Variants in CDH13 observed in about 807,000 individuals in gnomAD.
CDH13 encodes cadherin-13.
In CDH13, 24 loss-of-function variants were observed where a neutral mutation model predicts 63.8. The ratio of observed to expected loss-of-function variants is 0.38; its 90% CI spans 0.27 to 0.53. The LOEUF (loss-of-function observed/expected upper bound fraction) is 0.53, where lower values mean the gene tolerates loss of function less well. Among genes scored for constraint, CDH13 ranks in the 20% least tolerant of loss-of-function variants. CDH13 has a pLI of 0.85. For missense variants in CDH13, 1,049 were observed against 903.1 expected, an observed-to-expected ratio of 1.16 and a Z score of -2.07; for synonymous variants, 503 against 355.3, an observed-to-expected ratio of 1.42 and a Z score of -4.67.
rs1025223123 is a variant in CDH13, at chr16:82,909,222, G to A, written c.157+50749G>A. Among the ~76,000 whole-genome samples the A allele has an allele frequency of 1.3e-5, 2 of 150,202 alleles. 1 individual carries two copies. Among genetic ancestry groups the A allele is most frequent in the South Asian group, 4.2e-4 (2 of 4,738 alleles). ...ATGATTGGTCAAATTCACAGATGTG[G>A]AACCCACAGAAACTGAGGACTGACT... On this transcript the variant is annotated intron_variant, in intron 2 of 13. Transcript: ENST00000567109.
At chr16:83,307,173 C>A (rs538250766) in intron 5 of CDH13, among the ~76,000 whole-genome samples, 12 of 152,262 alleles carry the variant, frequency 7.9e-5, no homozygotes, top group African/African-American at 2.9e-4. Context: ...TAAGTGGTAA[C>A]GCCTGTTCCC....
intron 7 of CDH13, among the ~76,000 whole-genome samples, chr16:83,547,829 TAAAGG>T (rs2075415552): frequency 6.6e-6 from 1 of 152,004 alleles, no homozygotes; most frequent in Non-Finnish European, 1.5e-5. Flanking sequence ...CTGAAATAGA[TAAAGG>T]AGTGAGGAGG....
At chr16:83,254,949 CTCTTTCTTTCTTTCTTTCTT>C (rs11269178) in intron 5 of CDH13, among the ~76,000 whole-genome samples, 1 of 6,728 alleles carries the variant, frequency 1.5e-4, no homozygotes, top group African/African-American at 1.8e-4. Context: ...TTTTCTTTTT[CTCTTTCTTTCTTTCTTTCTT>C]TCTTTCTTTC....
chr16:83,707,530 A>C (rs1266539301), intron 10 of CDH13, among the ~76,000 whole-genome samples: 4 of 152,198 alleles, frequency 2.6e-5, no homozygotes, highest in Non-Finnish European at 5.9e-5. Context: ...GTGATATGCC[A>C]GCTATATTTT....
At chr16:82,700,060 G>A (rs1177103334) in intron 1 of CDH13, among the ~76,000 whole-genome samples, 1 of 135,650 alleles carries the variant, frequency 7.4e-6, no homozygotes, top group Non-Finnish European at 1.5e-5. Flanking sequence ...TTACTAGGGT[G>A]ACACAAAGTA....
At chr16:83,696,959 T>A (rs1382018808) in intron 10 of CDH13, among the ~76,000 whole-genome samples, 1 of 152,164 alleles carries the variant, frequency 6.6e-6, no homozygotes, top group African/African-American at 2.4e-5. Flanking sequence ...CTGGCCTCGG[T>A]GCTGAGCTTC....
intron 7 of CDH13, among the ~76,000 whole-genome samples, chr16:83,509,026 C>A (rs2074493203): frequency 6.6e-6 from 1 of 152,192 alleles, no homozygotes; most frequent in African/African-American, 2.4e-5. Context: ...AGCATGCACA[C>A]ATCACAGAAA....
At chr16:82,734,256 T>C (rs1246372367) in intron 1 of CDH13, among the ~76,000 whole-genome samples, 2 of 152,194 alleles carry the variant, frequency 1.3e-5, no homozygotes, top group Non-Finnish European at 1.5e-5. Context: ...TGTGTTCAAA[T>C]GGCAGAGTTA....
intron 10 of CDH13, among the ~76,000 whole-genome samples, chr16:83,704,202 A>G (rs972834425): frequency 1.3e-5 from 2 of 152,230 alleles, no homozygotes; most frequent in East Asian, 3.8e-4. Context: ...GAAGGAAGCT[A>G]AGGGATAGAA....
chr16:82,673,314 CACTT>C (rs1203048649), intron 1 of CDH13, among the ~76,000 whole-genome samples: 3 of 152,146 alleles, frequency 2.0e-5, no homozygotes, highest in Admixed American at 6.5e-5. Flanking sequence ...ATTCAATAAA[CACTT>C]ACTGAGGTTC....
chr16:83,685,245 T>C (rs1904294105), intron 10 of CDH13, among the ~76,000 whole-genome samples: 1 of 152,182 alleles, frequency 6.6e-6, no homozygotes, highest in South Asian at 2.1e-4. Context: ...GCATTGTTTT[T>C]TAAACCAAGG....
rs184678557 is a variant in CDH13, at chr16:83,073,317, G to C, written c.366+41099G>C. Among the ~76,000 whole-genome samples, 644 of 138,404 alleles carry C rather than the reference G, an allele frequency of 4.7e-3. 4 individuals carry two copies. The highest frequency in any genetic ancestry group is 7.4e-3 in the Admixed American group (103 of 13,958). The allele number at this position is 138,404 out of a possible 152,430, so 90.8% of individuals were successfully genotyped here. ...GGAATGGGCTCTCTCTTTGGGGTGT[G>C]TGTCTGTGTGTGTGTGTGTGTGTGT... On this transcript the variant is annotated intron_variant, in intron 3 of 13. Coordinates refer to ENST00000567109, the MANE Select transcript of CDH13 (RefSeq NM_001257.5).
chr16:83,516,751 T>C (rs1284644327), intron 7 of CDH13, among the ~76,000 whole-genome samples: 3 of 152,222 alleles, frequency 2.0e-5, no homozygotes, highest in Non-Finnish European at 4.4e-5. Context: ...CCTGTCATCA[T>C]GGAATTTATA....
At chr16:82,884,584 T>G (rs1646412231) in intron 2 of CDH13, 2 of 171,894 alleles carry the variant, frequency 1.2e-5, no homozygotes, top group African/African-American at 4.7e-5. Context: ...TTGACTCACC[T>G]AAAGTTAACA....
chr16:83,586,956 G>C (rs1485162733), intron 7 of CDH13, among the ~76,000 whole-genome samples: 1 of 152,132 alleles, frequency 6.6e-6, no homozygotes, highest in East Asian at 1.9e-4. Flanking sequence ...ACAGCAGAAA[G>C]GCCATGTCTC....
chr16:82,843,066 C>A lies in CDH13; in HGVS notation c.46-15296C>A, dbSNP rs78264059. Among the ~76,000 whole-genome samples the A allele has an allele frequency of 3.2e-3, 482 of 152,314 alleles. 10 individuals are homozygous for A. In the East Asian group the frequency reaches 0.048, roughly 15 times the overall value. On this transcript the variant is annotated intron_variant, in intron 1 of 13. Coordinates refer to ENST00000567109, the MANE Select transcript of CDH13 (RefSeq NM_001257.5). Reference sequence around the variant, plus strand: ...TTCCTAAAAGGCTGCAGATGGATACCCATCCATGGCCTGGGGATTGGGCAT... The same window carrying A: ...TTCCTAAAAGGCTGCAGATGGATACACATCCATGGCCTGGGGATTGGGCAT...
intron 10 of CDH13, among the ~76,000 whole-genome samples, chr16:83,744,649 C>T (rs1912399922): frequency 6.6e-6 from 1 of 152,192 alleles, no homozygotes; most frequent in Non-Finnish European, 1.5e-5. Flanking sequence ...AGGGCCATGA[C>T]CCCAGTGAGC....
intron 3 of CDH13, among the ~76,000 whole-genome samples, chr16:83,052,076 A>G (rs934681819): frequency 6.6e-6 from 1 of 152,354 alleles, no homozygotes; most frequent in Admixed American, 6.5e-5. Flanking sequence ...AAATAATTCA[A>G]GCAGCTAACT....
intron 1 of CDH13, among the ~76,000 whole-genome samples, chr16:82,855,012 T>G (rs2151160029): frequency 6.6e-6 from 1 of 152,280 alleles, no homozygotes; most frequent in South Asian, 2.1e-4. Context: ...TGACTAATTC[T>G]TACCTCACTA....
Sources: allele counts gnomAD v4.1 joint callset (sites outside exome capture counted in the v4.1 genomes callset), GRCh38; gene constraint gnomAD v4.1.1; transcripts MANE v1.5; gene names NCBI Gene and HGNC (gene_info 2026-07-23, HGNC 2026-07-21).